ABI3BP: variants seen among roughly 807,000 people sequenced by gnomAD.
ABI3BP encodes the protein target of Nesh-SH3.
Under a neutral mutation model 268.6 loss-of-function variants are expected in ABI3BP, and 216 were observed. That is an observed-to-expected ratio of 0.80 (90% CI 0.72 to 0.90). The LOEUF is 0.90. Among genes scored for constraint, ABI3BP ranks in the 40% least tolerant of loss-of-function variants. ABI3BP has a pLI of 0.00. For missense variants in ABI3BP, 2,090 were observed against 2,182.4 expected (o/e 0.96, Z 0.84); for synonymous variants, 730 against 730.0 (o/e 1.00, Z 0.00).
intron 2 of ABI3BP, among the ~76,000 whole-genome samples, chr3:100,904,491 T>A (rs968866117): frequency 6.6e-6 from 1 of 152,138 alleles, no homozygotes; most frequent in Non-Finnish European, 1.5e-5. Context: ...GGAACCATGA[T>A]GTGTGGGAGT....
chr3:100,892,861 A>C (rs1228808185), intron 4 of ABI3BP, among the ~76,000 whole-genome samples: 1 of 152,198 alleles, frequency 6.6e-6, no homozygotes, highest in Non-Finnish European at 1.5e-5. Flanking sequence ...TAGGAGATAT[A>C]ATAAGGAGTG....
chr3:100,796,382 G>T, intron 52 of ABI3BP, 27 bp downstream of exon 52: 2 of 1,534,824 alleles, frequency 1.3e-6, no homozygotes, highest in South Asian at 1.3e-5. Context: ...ATACTTCTTA[G>T]CCAGAAGGAT....
At position 100,885,580 on chromosome 3, in the gene ABI3BP, C is replaced by T. The variant is rs1003970642; in HGVS notation, c.652G>A (p.Val218Ile). The change falls in exon 6 of 68, where the codon GTA becomes ATA. Residue 218 changes from valine to isoleucine, a missense_variant. Coordinates refer to ENST00000471714, the MANE Select transcript of ABI3BP (RefSeq NM_001375547.2). The stretch of plus-strand genomic sequence containing the variant: ...TAGGTACTTTGGATTTTCCCATTTA[C>T]TTTTTTACCTGATGAAACAAGGGAA... The part of the protein sequence containing the change: ...NHKTVVGSKK[V>I]NGKIQSTYDQ... 4 of 1,550,522 alleles carry T rather than the reference C, an allele frequency of 2.6e-6. No individual in the cohort carries two copies. The highest frequency in any genetic ancestry group is 3.8e-5 in the Admixed American group (2 of 52,860).
At chr3:100,887,280 A>G (rs759787421) in intron 4 of ABI3BP, among the ~76,000 whole-genome samples, 3 of 152,090 alleles carry the variant, frequency 2.0e-5, no homozygotes, top group Non-Finnish European at 2.9e-5. Context: ...TGGGAGAACT[A>G]CATGTATCAA....
chr3:100,970,960 T>A (rs2083342850), intron 1 of ABI3BP, among the ~76,000 whole-genome samples: 1 of 152,132 alleles, frequency 6.6e-6, no homozygotes, highest in South Asian at 2.1e-4. Flanking sequence ...TAAATCCTAA[T>A]CAAAACTGAG....
chr3:100,975,649 G>T (rs1226465024), intron 1 of ABI3BP, among the ~76,000 whole-genome samples: 1 of 152,074 alleles, frequency 6.6e-6, no homozygotes, highest in Non-Finnish European at 1.5e-5. Flanking sequence ...TAAAGGAGGG[G>T]TAGAAAATAA....
At chr3:100,761,502 A>G (rs1324552037) in intron 63 of ABI3BP, among the ~76,000 whole-genome samples, 3 of 152,112 alleles carry the variant, frequency 2.0e-5, no homozygotes, top group Non-Finnish European at 4.4e-5. Context: ...GTCTAATGCC[A>G]GGTGTGGAGC....
At chr3:100,967,701 A>G (rs889711892) in intron 1 of ABI3BP, among the ~76,000 whole-genome samples, 1 of 152,136 alleles carries the variant, frequency 6.6e-6, no homozygotes, top group Non-Finnish European at 1.5e-5. Flanking sequence ...AAACAATTCA[A>G]TAAGGTAGAA....
chr3:100,979,882 T>A (rs1230430710), intron 1 of ABI3BP, among the ~76,000 whole-genome samples: 1 of 152,214 alleles, frequency 6.6e-6, no homozygotes. Flanking sequence ...ACTGATATGT[T>A]TTTGAAAATT....
chr3:100,839,387 C>T (rs1344327400), intron 24 of ABI3BP, among the ~76,000 whole-genome samples, 182 bp downstream of exon 24: 2 of 152,154 alleles, frequency 1.3e-5, no homozygotes, highest in African/African-American at 4.8e-5. Flanking sequence ...TAAATGAGCA[C>T]ACTGGATTGT....
chr3:100,824,250 T>C (rs773284178), intron 36 of ABI3BP, among the ~76,000 whole-genome samples: 3 of 152,162 alleles, frequency 2.0e-5, no homozygotes, highest in Non-Finnish European at 4.4e-5. Flanking sequence ...AAGGAGTCCA[T>C]CTAGACTGGA....
At chr3:100,869,288 T>C (rs2099083997) in intron 9 of ABI3BP, among the ~76,000 whole-genome samples, 1 of 149,730 alleles carries the variant, frequency 6.7e-6, no homozygotes, top group East Asian at 2.0e-4. Context: ...TCTATATTAC[T>C]AACTCATTTT....
At chr3:100,894,956 AAAAAAAAAAAACAG>A (rs2046817926) in intron 4 of ABI3BP, among the ~76,000 whole-genome samples, 1 of 131,436 alleles carries the variant, frequency 7.6e-6, no homozygotes, top group Non-Finnish European at 1.7e-5. Flanking sequence ...AAAAAAAAAA[AAAAAAAAAAAACAG>A]AAAAAAAAAA....
At chr3:100,861,650 CAT>C (rs2098999956) in intron 14 of ABI3BP, among the ~76,000 whole-genome samples, 1 of 150,328 alleles carries the variant, frequency 6.7e-6, no homozygotes, top group African/African-American at 2.5e-5. Flanking sequence ...GTAAAAGAAA[CAT>C]ATCTCAATCA....
At position 100,850,587 on chromosome 3, in the gene ABI3BP, T is replaced by C; in HGVS notation, c.1426+73A>G. On this transcript the variant is annotated intron_variant, in intron 16 of 67. Coordinates refer to ENST00000471714, the MANE Select transcript of ABI3BP (RefSeq NM_001375547.2). ...GATGTGATGGAATGAAATGGTCATT[T>C]GGAAGAAAGGCATTCACATGATTTT... 1.5e-5 allele frequency: 17 copies of C among 1,106,922 alleles called. No homozygotes were observed. In the South Asian group the frequency reaches 2.2e-4, roughly 14 times the overall value. 68.6% of individuals were successfully genotyped at this position (1,106,922 alleles called of 1,614,324 possible).
intron 1 of ABI3BP, among the ~76,000 whole-genome samples, chr3:100,956,012 A>G (rs1295462276): frequency 1.3e-5 from 2 of 151,910 alleles, no homozygotes; most frequent in African/African-American, 4.8e-5. Context: ...ACATAGTGAA[A>G]CCCTGTCTCT....
Position 100,874,929 on chromosome 3 carries a change from G to A in ABI3BP, c.822C>T (p.His274=). Residue 274 remains histidine (H), a synonymous_variant, in exon 9 of 68, where the codon CAC becomes CAT. Transcript: ENST00000471714. ...TTTCATTAAGACCTGGAATAATAAG[G>A]TGGACTGCAAGGAAATAGATGTAAA... is the stretch of plus-strand genomic sequence containing the variant. ...KAPLGGVILV[H]LIIPGLNETT... 1 of 1,576,776 alleles carries A rather than the reference G, an allele frequency of 6.3e-7. No individual in the cohort carries two copies. The highest frequency in any genetic ancestry group is 8.7e-7 in the Non-Finnish European group (1 of 1,154,080).
intron 34 of ABI3BP, among the ~76,000 whole-genome samples, chr3:100,827,529 C>T (rs2098410343): frequency 6.6e-6 from 1 of 151,984 alleles, no homozygotes; most frequent in Admixed American, 6.6e-5. Flanking sequence ...AAAAAGATAA[C>T]CTTTAGTTAT....
In ABI3BP at chr3:100,902,610, G is replaced by T. The variant is rs772402044; in HGVS notation, c.328+8C>A. 5.1e-5 allele frequency: 82 copies of T among 1,613,124 alleles called. No individual in the cohort carries two copies. The highest frequency in any genetic ancestry group is 1.6e-4 in the Middle Eastern group (1 of 6,062). On this transcript the variant is annotated splice_region_variant and intron_variant, in intron 3 of 67. Coordinates refer to ENST00000471714, the MANE Select transcript of ABI3BP (RefSeq NM_001375547.2). ...AAAAGAAAAAGAATTCAATGCAAAG[G>T]ACTATACCTGAACATGACTTCTTTT...
Sources: gnomAD v4.1 joint callset for allele counts (sites outside exome capture counted in the v4.1 genomes callset) on GRCh38, gnomAD v4.1.1 for gene constraint, MANE v1.5 for transcripts, NCBI Gene and HGNC (gene_info 2026-07-23, HGNC 2026-07-21) for gene names.